The following KIDINS220 variants were observed in gnomAD, a reference collection of about 807,000 sequenced individuals.
The protein encoded by KIDINS220 is kinase D interacting substrate 220, also known as kinase D-interacting substrate of 220 kDa.
A neutral mutation model predicts 157.6 loss-of-function variants in KIDINS220; 63 were observed. The observed-to-expected ratio is 0.40, with a 90% CI of 0.33 to 0.49. The LOEUF (loss-of-function observed/expected upper bound fraction) is 0.49. KIDINS220 is among the 20% of genes least tolerant of loss of function. The pLI, the probability that KIDINS220 is intolerant of heterozygous loss-of-function variation, is 0.66. For missense variants in KIDINS220, 1,772 were observed against 2,171.2 expected (o/e 0.82, Z 3.65); for synonymous variants, 732 against 783.6 (o/e 0.93, Z 1.10).
chr2:8,736,829 C>T (rs777929062), intron 27 of KIDINS220, 39 bp downstream of exon 27: 2 of 1,610,752 alleles, frequency 1.2e-6, no homozygotes, highest in Admixed American at 3.3e-5. Context: ...CTTCCGCCCC[C>T]AGCGCTGTCT....
rs369363850 is a variant in KIDINS220 at position 8,818,728 on chromosome 2, A to C, written c.174T>G (p.Ile58Met). Residue 58 changes from isoleucine (I) to methionine (M), a missense_variant, in exon 3 of 30, where the codon ATT becomes ATG. Physicochemically the swap from Ile to Met is conservative, Grantham distance 10. This residue lies in a region of KIDINS220 where 254 missense variants were observed against 268.6 expected (regional missense o/e 0.95). Transcript: ENST00000256707. ...CCAGATTGCAGTTAGCTCCATTCTTAATTAATTCCTTCACTATTTCCAGAT... is the reference window on the plus strand; with the variant it reads ...CCAGATTGCAGTTAGCTCCATTCTTCATTAATTCCTTCACTATTTCCAGAT... Reference protein sequence around the residue: ...QGNLEIVKELIKNGANCNLED... With the variant: ...QGNLEIVKELMKNGANCNLED... 2.5e-6 allele frequency: 4 copies of C among 1,606,024 alleles called. No homozygotes were observed. The African/African-American group carries it at 5.3e-5, about 21-fold the overall frequency.
chr2:8,833,216 T>C (rs1015141653), intron 1 of KIDINS220, among the ~76,000 whole-genome samples: 2 of 152,322 alleles, frequency 1.3e-5, no homozygotes, highest in African/African-American at 2.4e-5. Flanking sequence ...TCCCCTGGGG[T>C]AGTTTCTTCA....
chr2:8,797,012 C>A lies in KIDINS220; in HGVS notation c.1000-143G>T. 1.0e-5 allele frequency: 7 copies of A among 672,568 alleles called. No homozygotes were observed. The Admixed American group carries it at 1.3e-4, about 13-fold the overall frequency. The allele number at this position is 672,568 out of a possible 1,614,324, so 41.7% of individuals were successfully genotyped here. On this transcript the variant is annotated intron_variant, in intron 10 of 29. Coordinates refer to ENST00000256707, the MANE Select transcript of KIDINS220 (RefSeq NM_020738.4). ...CTCAAGAAAACATAAAAGCTAACAA[C>A]AAAAAAATGCTTTTCCTTTACACCC...
At position 8,786,418 on chromosome 2, in the gene KIDINS220, G is replaced by A. The variant is rs903810693; in HGVS notation, c.1788-61C>T. The A allele has an allele frequency of 6.2e-6, 8 of 1,292,788 alleles. No homozygotes were observed. The African/African-American group carries it at 7.4e-5, about 12-fold the overall frequency. 80.1% of individuals were successfully genotyped at this position (1,292,788 alleles called of 1,614,324 possible). On this transcript the variant is annotated intron_variant, in intron 15 of 29. Coordinates refer to ENST00000256707, the MANE Select transcript of KIDINS220 (RefSeq NM_020738.4). ...ATCTAAAGTAACAAATAACTTCAAT[G>A]TATGTCATCTTTGCATCACTTACCC... is the stretch of plus-strand genomic sequence containing the variant.
Position 8,770,853 on chromosome 2 carries a change from A to C in KIDINS220, c.2849-21T>G, listed in dbSNP as rs529831144. ...TCGTCCTTTTAAAAAATACAAAAGC[A>C]TTTAAAAATTAATAGATGTGTGATA... On this transcript the variant is annotated intron_variant, in intron 21 of 29. Coordinates refer to ENST00000256707, the MANE Select transcript of KIDINS220 (RefSeq NM_020738.4). 1.8e-5 allele frequency: 27 copies of C among 1,500,378 alleles called. No homozygotes were observed. In the East Asian group the frequency reaches 5.5e-4, roughly 30 times the overall value. 92.9% of individuals were successfully genotyped at this position (1,500,378 alleles called of 1,614,324 possible).
chr2:8,805,202 A>T (rs1196421992), intron 7 of KIDINS220, among the ~76,000 whole-genome samples: 2 of 152,108 alleles, frequency 1.3e-5, no homozygotes, highest in Non-Finnish European at 2.9e-5. Flanking sequence ...CAGTACGGGG[A>T]TGTGTTCTTG....
At chr2:8,779,645 TG>T in intron 18 of KIDINS220, 28 bp downstream of exon 18, 1 of 1,598,602 alleles carries the variant, frequency 6.3e-7, no homozygotes, top group Non-Finnish European at 8.6e-7. Flanking sequence ...AACATAACAA[TG>T]GTGGCTTTTG....
intron 1 of KIDINS220, among the ~76,000 whole-genome samples, chr2:8,834,578 A>G (rs12162390): frequency 0.42 from 63,190 of 151,392 alleles, 15,251 homozygotes; most frequent in East Asian, 0.6. Flanking sequence ...TGCTTCCCCT[A>G]GCCAAACAAA....
At chr2:8,795,627 G>T (rs967785631) in intron 11 of KIDINS220, among the ~76,000 whole-genome samples, 2 of 152,226 alleles carry the variant, frequency 1.3e-5, no homozygotes, top group African/African-American at 2.4e-5. Context: ...CAACTATCAT[G>T]TGTATTTGTC....
rs1173583238 is a variant in KIDINS220 at position 8,785,862 on chromosome 2, G to C, written c.2108C>G (p.Ala703Gly). 10 of 1,614,062 alleles carry C rather than the reference G, an allele frequency of 6.2e-6. No homozygotes were observed. The highest frequency in any genetic ancestry group is 8.5e-6 in the Non-Finnish European group (10 of 1,179,996). ...CCATGTACGACAGTTCAACACAAAG[G>C]CCAATCCCACTACAGATGCGATTGA... ...LISIASVVGL[A>G]FVLNCRTWWQ... The change falls in exon 17 of 30, where the codon GCC (alanine) becomes GGC (glycine). Residue 703 changes from alanine to glycine, a missense_variant. By Grantham distance (60) the Ala-to-Gly change is moderately conservative. This residue lies in a region of KIDINS220 where 725 missense variants were observed against 1,017.1 expected (regional missense o/e 0.71). Coordinates refer to ENST00000256707, the MANE Select transcript of KIDINS220 (RefSeq NM_020738.4).
At chr2:8,817,814 CA>C (rs1023393345) in intron 3 of KIDINS220, 98 bp from the exon 4 acceptor site, 11 of 767,838 alleles carry the variant, frequency 1.4e-5, no homozygotes, top group Non-Finnish European at 2.1e-5. Flanking sequence ...ATGATCATAC[CA>C]AGTTGACATG....
intron 1 of KIDINS220, among the ~76,000 whole-genome samples, chr2:8,832,953 T>C (rs1003930303): frequency 2.0e-5 from 3 of 152,188 alleles, no homozygotes; most frequent in African/African-American, 7.2e-5. Flanking sequence ...TGTGTAATAT[T>C]TGGATTACAT....
chr2:8,800,538 G>T, intron 8 of KIDINS220, 40 bp from the exon 9 acceptor site: 1 of 1,368,454 alleles, frequency 7.3e-7, no homozygotes, highest in Non-Finnish European at 1.0e-6. Context: ...AAGGTAAATT[G>T]ACAACAAATA....
chr2:8,733,556 G>A lies in KIDINS220; in HGVS notation c.3941C>T (p.Pro1314Leu). Reference sequence around the variant, plus strand: ...CGTCTGGCTGGAGAGCTCGGTGTGAGGCAGCTCGTTGTGGGAAGCGCGGCG... The same window carrying A: ...CGTCTGGCTGGAGAGCTCGGTGTGAAGCAGCTCGTTGTGGGAAGCGCGGCG... ...PARRASHNELPHTELSSQTPY... is the reference protein window; with the variant it reads ...PARRASHNELLHTELSSQTPY... Residue 1314 changes from proline to leucine, a missense_variant, in exon 29 of 30, where the codon CCT becomes CTT. Pro to Leu is a moderately conservative substitution (Grantham distance 98). This residue lies in a region of KIDINS220 where 793 missense variants were observed against 885.5 expected (regional missense o/e 0.90). Coordinates refer to ENST00000256707, the MANE Select transcript of KIDINS220 (RefSeq NM_020738.4). 1 of 1,614,116 alleles carries A rather than the reference G, an allele frequency of 6.2e-7. No homozygotes were observed. The highest frequency in any genetic ancestry group is 8.5e-7 in the Non-Finnish European group (1 of 1,180,020).
In KIDINS220 at chr2:8,785,951, T is replaced by C; in HGVS notation, c.2019A>G (p.Gly673=). The stretch of plus-strand genomic sequence containing the variant: ...CTCTAAATATAGCCAGAAGAGTAAT[T>C]CCAGATATAATGCAGCCAATGATAA... ...FLFIIGCIIS[G]ITLLAIFRVD... The change falls in exon 17 of 30, where the codon GGA becomes GGG. Residue 673 remains glycine (G), a synonymous_variant. Transcript: ENST00000256707. The C allele has an allele frequency of 6.2e-7, 1 of 1,613,864 alleles. No homozygotes were observed.
chr2:8,806,411 A>T, intron 6 of KIDINS220, 42 bp from the exon 7 acceptor site: 2 of 1,288,754 alleles, frequency 1.6e-6, no homozygotes, highest in East Asian at 2.5e-5. Flanking sequence ...TATAAAAAGT[A>T]TACTCAAAGA....
Position 8,733,583 on chromosome 2 carries a change from G to A in KIDINS220, c.3914C>T (p.Ala1305Val), listed in dbSNP as rs761192220. Residue 1305 changes from alanine (A) to valine (V), a missense_variant, in exon 29 of 30, where the codon GCT becomes GTT. By Grantham distance (64) the Ala-to-Val change is moderately conservative (BLOSUM62 0). This residue lies in a region of KIDINS220 where 793 missense variants were observed against 885.5 expected (regional missense o/e 0.90). Coordinates refer to ENST00000256707, the MANE Select transcript of KIDINS220 (RefSeq NM_020738.4). ...SSGPAPHGEP[A>V]RRASHNELPH... ...CAGCTCGTTGTGGGAAGCGCGGCGA[G>A]CAGGCTCACCGTGCGGGGCTGGGCC... 28 of 1,614,020 alleles carry A rather than the reference G, an allele frequency of 1.7e-5. No homozygotes were observed. The Middle Eastern group carries it at 9.9e-4, about 57-fold the overall frequency.
At chr2:8,836,859 T>G (rs1042042874) in intron 1 of KIDINS220, among the ~76,000 whole-genome samples, 1 of 152,092 alleles carries the variant, frequency 6.6e-6, no homozygotes, top group Non-Finnish European at 1.5e-5. Flanking sequence ...CATAAAAAAA[T>G]TTTTCATCGG....
At chr2:8,805,198 G>A (rs143756751) in intron 7 of KIDINS220, among the ~76,000 whole-genome samples, 6 of 152,292 alleles carry the variant, frequency 3.9e-5, no homozygotes, top group Non-Finnish European at 7.4e-5. Flanking sequence ...CTCCCAGTAC[G>A]GGGATGTGTT....
Sources: allele counts gnomAD v4.1 joint callset (sites outside exome capture counted in the v4.1 genomes callset), GRCh38; gene constraint gnomAD v4.1.1; regional missense constraint gnomAD v4.1.1; transcripts MANE v1.5; gene names NCBI Gene and HGNC (gene_info 2026-07-23, HGNC 2026-07-21).